Variants in ZC3H12B observed in about 807,000 individuals in gnomAD.
ZC3H12B encodes zinc finger CCCH-type containing 12B.
ZC3H12B carries 7 observed loss-of-function variants against 43.9 expected under a neutral mutation model. The observed-to-expected ratio is 0.16, with a 90% CI of 0.09 to 0.30. The LOEUF (loss-of-function observed/expected upper bound fraction) is 0.30. Among genes scored for constraint, ZC3H12B ranks in the 10% least tolerant of loss-of-function variants. The pLI, the probability that ZC3H12B is intolerant of heterozygous loss-of-function variation, is 1.00. For missense variants in ZC3H12B, 475 were observed against 670.2 expected, an observed-to-expected ratio of 0.71 and a Z score of 3.22; for synonymous variants, 222 against 241.7, an observed-to-expected ratio of 0.92 and a Z score of 0.76.
At chrX:65,153,502 G>T in the ZC3H12B span, among the ~76,000 whole-genome samples, 2 of 112,496 alleles carry the variant, frequency 1.8e-5, no homozygotes, top group Non-Finnish European at 3.8e-5. Context: ...CTGGCCATCA[G>T]AGAAATGCAA....
exon 5 of ZC3H12B, chrX:65,502,839 C>T: frequency 8.3e-7 from 1 of 1,210,936 alleles, no homozygotes; most frequent in South Asian, 1.8e-5. Context: ...GAGAGCAACC[C>T]CGTGAGGCAA....
chrX:65,099,688 A>T, the ZC3H12B span, among the ~76,000 whole-genome samples: 1 of 111,287 alleles, frequency 9.0e-6, no homozygotes. Context: ...AACATCAACA[A>T]AAAGGACCCC....
At chrX:65,291,421 A>G in the ZC3H12B span, among the ~76,000 whole-genome samples, 1 of 112,389 alleles carries the variant, frequency 8.9e-6, no homozygotes, top group African/African-American at 3.2e-5. Flanking sequence ...ATGTATAGAT[A>G]AACAAAATGT....
At chrX:65,152,852 C>T in the ZC3H12B span, among the ~76,000 whole-genome samples, 2 of 111,708 alleles carry the variant, frequency 1.8e-5, no homozygotes, top group African/African-American at 6.5e-5. Context: ...GCTATAGTAA[C>T]CAAAACAGCA....
chrX:65,205,999 C>T, the ZC3H12B span, among the ~76,000 whole-genome samples: 9,196 of 111,398 alleles, frequency 0.083, 1,021 homozygotes, highest in African/African-American at 0.29. Context: ...CAAAACACTG[C>T]TGAAAGAAAT....
At chrX:65,230,516 C>T in the ZC3H12B span, among the ~76,000 whole-genome samples, 1 of 105,756 alleles carries the variant, frequency 9.5e-6, no homozygotes, top group Non-Finnish European at 1.9e-5. Flanking sequence ...CACATGTACC[C>T]TAAAACTTAA....
chrX:65,157,726 G>A, the ZC3H12B span, among the ~76,000 whole-genome samples: 1 of 109,071 alleles, frequency 9.2e-6, no homozygotes, highest in Non-Finnish European at 1.9e-5. Context: ...TCTTATTTGG[G>A]AATTTCTCTT....
the ZC3H12B span, among the ~76,000 whole-genome samples, chrX:65,231,121 G>C: frequency 9.0e-6 from 1 of 110,954 alleles, no homozygotes; most frequent in African/African-American, 3.3e-5. Flanking sequence ...GGCCTCCGGA[G>C]GTGCCATCAC....
At chrX:65,158,712 T>C in the ZC3H12B span, among the ~76,000 whole-genome samples, 1 of 111,608 alleles carries the variant, frequency 9.0e-6, no homozygotes, top group Admixed American at 9.6e-5. Flanking sequence ...TTTTCTCCCA[T>C]TTTATGCATT....
chrX:65,413,779 T>A (rs976475015), intron 3 of ZC3H12B, among the ~76,000 whole-genome samples: 1 of 112,172 alleles, frequency 8.9e-6, no homozygotes, highest in Non-Finnish European at 1.9e-5. Context: ...AGGACCCTTG[T>A]GATTCCATAT....
the ZC3H12B span, among the ~76,000 whole-genome samples, chrX:65,346,220 T>C: frequency 9.6e-6 from 1 of 104,405 alleles, no homozygotes; most frequent in Non-Finnish European, 2.0e-5. Flanking sequence ...CTTCAAACTA[T>C]ACTATAAGGC....
the ZC3H12B span, among the ~76,000 whole-genome samples, chrX:65,138,191 T>C: frequency 1.8e-5 from 2 of 112,167 alleles, no homozygotes; most frequent in Non-Finnish European, 3.8e-5. Flanking sequence ...TGAACATATT[T>C]CTATCTAACT....
At chrX:65,176,518 C>A in the ZC3H12B span, among the ~76,000 whole-genome samples, 1 of 111,951 alleles carries the variant, frequency 8.9e-6, no homozygotes, top group Non-Finnish European at 1.9e-5. Flanking sequence ...GATCTCCCAG[C>A]ACAGCACTGG....
chrX:65,316,276 T>G, the ZC3H12B span, among the ~76,000 whole-genome samples: 1 of 111,823 alleles, frequency 8.9e-6, no homozygotes, highest in Admixed American at 9.5e-5. Flanking sequence ...ATGAAAACTT[T>G]CCCAATCTCA....
chrX:65,112,591 C>T, the ZC3H12B span, among the ~76,000 whole-genome samples: 1 of 111,615 alleles, frequency 9.0e-6, no homozygotes, highest in African/African-American at 3.3e-5. Context: ...ATCCTAGGAC[C>T]ATTAAAAATT....
upstream of ZC3H12B, among the ~76,000 whole-genome samples, chrX:65,362,478 C>G (rs752497080): frequency 9.0e-6 from 1 of 110,898 alleles, no homozygotes; most frequent in East Asian, 2.8e-4. Context: ...GACATTTTGA[C>G]TAAATTATCT....
intron 2 of ZC3H12B, among the ~76,000 whole-genome samples, chrX:65,372,105 G>A (rs2066252692): frequency 8.9e-6 from 1 of 111,847 alleles, no homozygotes; most frequent in Admixed American, 9.5e-5. Flanking sequence ...TTCTGGGGAA[G>A]CCTATTCGTT....
At chrX:65,452,308 AG>A (rs2067526548) in intron 3 of ZC3H12B, among the ~76,000 whole-genome samples, 1 of 111,779 alleles carries the variant, frequency 8.9e-6, no homozygotes, top group African/African-American at 3.3e-5. Context: ...AAAAGCTGCT[AG>A]AACTGATAAA....
At chrX:65,051,739 C>G in the ZC3H12B span, among the ~76,000 whole-genome samples, 5 of 110,738 alleles carry the variant, frequency 4.5e-5, no homozygotes, top group African/African-American at 1.6e-4. Context: ...AGGGAAAAAA[C>G]TTCTCAAACC....
Sources: allele counts gnomAD v4.1 joint callset (sites outside exome capture counted in the v4.1 genomes callset), GRCh38; gene constraint gnomAD v4.1.1; transcripts MANE v1.5; gene names NCBI Gene and HGNC (gene_info 2026-07-23, HGNC 2026-07-21).